FSTL4: variants seen among roughly 807,000 people sequenced by gnomAD.
The protein encoded by FSTL4 is follistatin like 4.
Under a neutral mutation model 78.2 loss-of-function variants are expected in FSTL4, and 28 were observed. That is an observed-to-expected ratio of 0.36 (90% confidence interval 0.27 to 0.49). The LOEUF (loss-of-function observed/expected upper bound fraction) is 0.49. Among genes scored for constraint, FSTL4 ranks in the 20% least tolerant of loss-of-function variants. The probability of loss-of-function intolerance (pLI) is 0.98; values close to 1 mark genes in which losing one functional copy is unlikely to be tolerated. For synonymous variants in FSTL4, 422 were observed against 440.5 expected, an observed-to-expected ratio of 0.96 and a Z score of 0.53; for missense variants, 922 against 1,084.9, an observed-to-expected ratio of 0.85 and a Z score of 2.11.
intron 4 of FSTL4, among the ~76,000 whole-genome samples, chr5:133,393,224 T>C (rs1755899568): frequency 6.6e-6 from 1 of 152,150 alleles, no homozygotes; most frequent in Non-Finnish European, 1.5e-5. Context: ...GTATCCAACA[T>C]GAGAGACAGT....
intron 3 of FSTL4, among the ~76,000 whole-genome samples, chr5:133,413,110 T>A (rs951991759): frequency 6.6e-6 from 1 of 152,162 alleles, no homozygotes; most frequent in East Asian, 1.9e-4. Context: ...AATTTTAAAA[T>A]GTATAATTAA....
chr5:133,277,958 G>A (rs1752924809), intron 6 of FSTL4, among the ~76,000 whole-genome samples: 3 of 152,332 alleles, frequency 2.0e-5, no homozygotes, highest in South Asian at 4.1e-4. Context: ...TGTGACCAGA[G>A]CCGTGTGCTC....
intron 2 of FSTL4, among the ~76,000 whole-genome samples, chr5:133,576,126 T>A (rs778778532): frequency 6.6e-6 from 1 of 152,212 alleles, no homozygotes; most frequent in Non-Finnish European, 1.5e-5. Flanking sequence ...TGCTGAGCAA[T>A]ATTTTTCATA....
At chr5:133,678,520 C>T in the FSTL4 span, among the ~76,000 whole-genome samples, 1 of 151,804 alleles carries the variant, frequency 6.6e-6, no homozygotes, top group Admixed American at 6.6e-5. Flanking sequence ...TAGCATTAAC[C>T]GAGATGGGGA....
At chr5:133,345,938 C>T (rs1026487633) in intron 4 of FSTL4, among the ~76,000 whole-genome samples, 4 of 152,196 alleles carry the variant, frequency 2.6e-5, no homozygotes, top group Non-Finnish European at 2.9e-5. Context: ...AAGACACATG[C>T]ACATGTATGT....
chr5:133,563,976 G>A (rs1352550345), intron 3 of FSTL4, among the ~76,000 whole-genome samples: 3 of 152,172 alleles, frequency 2.0e-5, no homozygotes, highest in African/African-American at 7.2e-5. Context: ...CAGAGAAATG[G>A]ATTTTCTCCC....
At chr5:133,465,423 C>T (rs2112842391) in intron 3 of FSTL4, among the ~76,000 whole-genome samples, 1 of 152,312 alleles carries the variant, frequency 6.6e-6, no homozygotes, top group Admixed American at 6.5e-5. Context: ...TGTTACTTTC[C>T]CCCCAAATAG....
chr5:133,249,453 C>A lies in FSTL4; in HGVS notation c.851G>T (p.Arg284Leu). 1.9e-6 allele frequency: 3 copies of A among 1,613,898 alleles called. No individual in the cohort carries two copies. The highest frequency in any genetic ancestry group is 2.5e-6 in the Non-Finnish European group (3 of 1,179,812). ...CAGGAAGTTCAGGGTGAGCCCGTTG[C>A]GCTTCCAGATGATTGGTGGCCTCAG... ...GDLRPPIIWK[R>L]NGLTLNFLDL... The change falls in exon 7 of 16, where the codon CGC becomes CTC. Residue 284 changes from arginine to leucine, a missense_variant. Coordinates refer to ENST00000265342, the MANE Select transcript of FSTL4 (RefSeq NM_015082.2).
At chr5:133,839,599 C>T in the FSTL4 span, among the ~76,000 whole-genome samples, 1 of 152,178 alleles carries the variant, frequency 6.6e-6, no homozygotes. Context: ...AACATGCAAA[C>T]ATTGTACAGA....
At chr5:133,201,835 G>T in intron 15 of FSTL4, 98 bp downstream of exon 15, 1 of 667,292 alleles carries the variant, frequency 1.5e-6, no homozygotes, top group Non-Finnish European at 2.6e-6. Flanking sequence ...GAGTGGAGGA[G>T]ACAGAGAAAT....
At chr5:133,837,325 G>C in the FSTL4 span, among the ~76,000 whole-genome samples, 3 of 151,986 alleles carry the variant, frequency 2.0e-5, no homozygotes, top group South Asian at 4.2e-4. Flanking sequence ...TCAAATTCTT[G>C]AACATATTAA....
intron 15 of FSTL4, among the ~76,000 whole-genome samples, chr5:133,200,798 C>G (rs184184346): frequency 1.9e-4 from 29 of 152,156 alleles, no homozygotes; most frequent in African/African-American, 6.3e-4. Flanking sequence ...AAAACTGTAC[C>G]CCAGAGTAGA....
At chr5:133,522,207 A>G (rs535787823) in intron 3 of FSTL4, among the ~76,000 whole-genome samples, 42 of 152,262 alleles carry the variant, frequency 2.8e-4, no homozygotes, top group Admixed American at 1.0e-3. Flanking sequence ...CGATAGTGCA[A>G]TTCCCTTGCT....
chr5:133,488,146 T>C (rs570840498), intron 3 of FSTL4, among the ~76,000 whole-genome samples: 2 of 152,376 alleles, frequency 1.3e-5, no homozygotes, highest in Admixed American at 6.5e-5. Flanking sequence ...TATACACATA[T>C]GGTTTTTAAC....
rs1489390852 is a variant in FSTL4 at position 133,611,666 on chromosome 5, C to G, written c.-11+659G>C. Among the ~76,000 whole-genome samples, 1 of 152,230 alleles carries G rather than the reference C, an allele frequency of 6.6e-6. No individual in the cohort carries two copies. Among genetic ancestry groups the G allele is most frequent in the Admixed American group, 6.5e-5 (1 of 15,292 alleles). On this transcript the variant is annotated intron_variant, in intron 1 of 15. Transcript: ENST00000265342. This position sits in a 1 kb window ranked among gnomAD's most constrained non-coding sequence, Gnocchi z 4.9. The stretch of plus-strand genomic sequence containing the variant: ...ACTCTGGACCGCGGCCGGCTACGCA[C>G]AAGCAGCGCCGCAGGCTGCCTGGAG...
the FSTL4 span, among the ~76,000 whole-genome samples, chr5:133,690,513 G>A: frequency 2.0e-5 from 3 of 151,958 alleles, no homozygotes; most frequent in Admixed American, 1.3e-4. Context: ...AAACCTAGCA[G>A]TTGATCACAG....
At chr5:133,817,549 C>T in the FSTL4 span, among the ~76,000 whole-genome samples, 2 of 152,276 alleles carry the variant, frequency 1.3e-5, no homozygotes, top group Middle Eastern at 3.4e-3. Flanking sequence ...GTAAGAGGAC[C>T]GGCTTCTGTC....
chr5:133,500,133 T>C (rs367644577), intron 3 of FSTL4, among the ~76,000 whole-genome samples: 2 of 152,146 alleles, frequency 1.3e-5, no homozygotes, highest in Non-Finnish European at 2.9e-5. Flanking sequence ...AAGGCTTACG[T>C]TGAGTCTTTT....
chr5:133,295,314 C>A (rs982786749), intron 6 of FSTL4, among the ~76,000 whole-genome samples: 1 of 152,130 alleles, frequency 6.6e-6, no homozygotes, highest in African/African-American at 2.4e-5. Context: ...CTAAGACAAT[C>A]CCCAACCTGG....
Sources: allele counts gnomAD v4.1 joint callset (sites outside exome capture counted in the v4.1 genomes callset), GRCh38; gene constraint gnomAD v4.1.1; non-coding constraint Gnocchi (gnomAD v3.1); transcripts MANE v1.5; gene names NCBI Gene and HGNC (gene_info 2026-07-23, HGNC 2026-07-21).